The following SPAG16 variants were observed in gnomAD, a reference collection of about 807,000 sequenced individuals.
SPAG16 encodes the protein sperm associated antigen 16.
A neutral mutation model predicts 80.4 loss-of-function variants in SPAG16; 86 were observed. The observed-to-expected ratio is 1.07, with a 90% CI of 0.90 to 1.28. The LOEUF is 1.28. SPAG16 is among the 50% of genes most tolerant of loss of function. The pLI, the probability that SPAG16 is intolerant of heterozygous loss-of-function variation, is 0.00. For missense variants in SPAG16, 870 were observed against 765.3 expected (o/e 1.14, Z -1.61); for synonymous variants, 294 against 265.9 (o/e 1.11, Z -1.03).
intron 10 of SPAG16, among the ~76,000 whole-genome samples, chr2:213,792,574 A>ATTT (rs2070764371): frequency 2.6e-5 from 3 of 114,740 alleles, no homozygotes; most frequent in African/African-American, 9.4e-5. Flanking sequence ...GAAAATGAGT[A>ATTT]TCTTTTTTTT....
chr2:214,057,027 C>G (rs921468242), intron 13 of SPAG16, among the ~76,000 whole-genome samples: 1 of 152,132 alleles, frequency 6.6e-6, no homozygotes, highest in Non-Finnish European at 1.5e-5. Context: ...ATTTTCACCA[C>G]ATTTGCAGTT....
intron 12 of SPAG16, among the ~76,000 whole-genome samples, chr2:213,966,664 T>C (rs1200751232): frequency 6.6e-6 from 1 of 152,200 alleles, no homozygotes; most frequent in African/African-American, 2.4e-5. Flanking sequence ...TACATATATG[T>C]CTATAATAAT....
chr2:213,489,178 T>C (rs770008029), intron 9 of SPAG16, among the ~76,000 whole-genome samples: 3 of 152,130 alleles, frequency 2.0e-5, no homozygotes, highest in Non-Finnish European at 2.9e-5. Context: ...GATATGAGCC[T>C]TCTCTCAGAG....
rs10167688 is a variant in SPAG16 at position 213,489,990 on chromosome 2, C to T, written c.970C>T (p.Pro324Ser). The change falls in exon 10 of 16, where the codon CCA becomes TCA. Residue 324 changes from proline (P) to serine (S), a missense_variant. Coordinates refer to ENST00000331683, the MANE Select transcript of SPAG16 (RefSeq NM_024532.5). ...TTCAGAATTTCCCATAGATATGCAA[C>T]CAAATCCAAACCTGAATGTTTCTAA... ...KDSEFPIDMQ[P>S]NPNLNVSKES... The T allele has an allele frequency of 1.9e-6, 3 of 1,606,534 alleles. No homozygotes were observed. Among genetic ancestry groups the T allele is most frequent in the Non-Finnish European group, 2.5e-6 (3 of 1,177,242 alleles).
chr2:213,917,504 G>C (rs1370455385), intron 11 of SPAG16, among the ~76,000 whole-genome samples: 2 of 152,088 alleles, frequency 1.3e-5, no homozygotes, highest in Non-Finnish European at 2.9e-5. Context: ...TGGGTTGGCT[G>C]TATTCCTAGG....
chr2:214,125,999 TTTCCTTCC>T lies in SPAG16; in HGVS notation c.1593+17793_1593+17800del, dbSNP rs869163622. 6.9e-3 allele frequency among the ~76,000 whole-genome samples: 636 copies of T among 91,656 alleles called. 14 individuals carry two copies. The highest frequency in any genetic ancestry group is 0.024 in the East Asian group (73 of 3,012). 60.1% of individuals were successfully genotyped at this position (91,656 alleles called of 152,430 possible). A position where few individuals can be genotyped will look rare whatever the true frequency, so the allele number is the denominator to read the frequency against. ...GGCCTGACTTTCTTTTCCTTCCTTC[TTTCCTTCC>T]TTCCTTCCTTCCTTCCTTCCTTCCT... On this transcript the variant is annotated intron_variant, in intron 14 of 15. Transcript: ENST00000331683.
chr2:214,278,049 G>T (rs1171210741), intron 15 of SPAG16, among the ~76,000 whole-genome samples: 1 of 152,110 alleles, frequency 6.6e-6, no homozygotes, highest in African/African-American at 2.4e-5. Flanking sequence ...CTGCTGCCTC[G>T]CAGGTCGCAG....
At chr2:214,360,879 G>GA (rs1053911900) in intron 15 of SPAG16, among the ~76,000 whole-genome samples, 9 of 151,714 alleles carry the variant, frequency 5.9e-5, no homozygotes, top group Non-Finnish European at 1.3e-4. Flanking sequence ...TTCTGGGGAA[G>GA]AAAAAAGCGA....
intron 13 of SPAG16, among the ~76,000 whole-genome samples, chr2:214,060,144 T>G (rs2050181315): frequency 6.6e-6 from 1 of 152,128 alleles, no homozygotes; most frequent in African/African-American, 2.4e-5. Context: ...GATTTGTAGA[T>G]TTCAGTTGAT....
chr2:214,291,514 C>T (rs568951291), intron 15 of SPAG16, among the ~76,000 whole-genome samples: 196 of 151,406 alleles, frequency 1.3e-3, no homozygotes, highest in Non-Finnish European at 1.7e-3. Flanking sequence ...ACCGTTTTAG[C>T]CGGGATGGTC....
At chr2:214,008,760 A>T (rs1054625217) in intron 12 of SPAG16, among the ~76,000 whole-genome samples, 1 of 150,602 alleles carries the variant, frequency 6.6e-6, no homozygotes, top group Non-Finnish European at 1.5e-5. Context: ...AAAAAAAAAA[A>T]TACATGCTAG....
At chr2:213,705,252 A>C (rs2065690527) in intron 10 of SPAG16, among the ~76,000 whole-genome samples, 1 of 148,086 alleles carries the variant, frequency 6.8e-6, no homozygotes. Flanking sequence ...TGTCTCAAAA[A>C]TAAGAAAGAA....
intron 11 of SPAG16, among the ~76,000 whole-genome samples, chr2:213,922,831 G>T (rs1365196891): frequency 2.0e-5 from 3 of 152,010 alleles, no homozygotes; most frequent in Non-Finnish European, 2.9e-5. Flanking sequence ...CTGCATGCCC[G>T]CATTTCTTCT....
At chr2:214,009,909 G>C (rs1357909236) in intron 12 of SPAG16, among the ~76,000 whole-genome samples, 2 of 147,344 alleles carry the variant, frequency 1.4e-5, no homozygotes, top group Non-Finnish European at 1.5e-5. Context: ...AAACCAACCA[G>C]ATTTTATAAA....
At chr2:214,212,580 A>T (rs1409325695) in intron 15 of SPAG16, among the ~76,000 whole-genome samples, 1 of 151,966 alleles carries the variant, frequency 6.6e-6, no homozygotes, top group South Asian at 2.1e-4. Flanking sequence ...ACCACTATTT[A>T]TATGCTAAGT....
intron 10 of SPAG16, among the ~76,000 whole-genome samples, chr2:213,787,248 T>C (rs888350699): frequency 6.6e-6 from 1 of 152,082 alleles, no homozygotes; most frequent in Non-Finnish European, 1.5e-5. Context: ...ATTTAAAAAA[T>C]ACAAGACTTC....
intron 12 of SPAG16, among the ~76,000 whole-genome samples, chr2:213,935,705 C>A (rs956767158): frequency 6.6e-6 from 1 of 152,124 alleles, no homozygotes; most frequent in Non-Finnish European, 1.5e-5. Context: ...TAGCATTGAC[C>A]ACATTTACTG....
chr2:213,639,878 T>A (rs1167580747), intron 10 of SPAG16, among the ~76,000 whole-genome samples: 1 of 152,228 alleles, frequency 6.6e-6, no homozygotes, highest in Non-Finnish European at 1.5e-5. Context: ...GAACATCAAT[T>A]ATTCTTAAGT....
At chr2:213,709,006 T>C (rs2065870404) in intron 10 of SPAG16, among the ~76,000 whole-genome samples, 1 of 152,172 alleles carries the variant, frequency 6.6e-6, no homozygotes, top group Non-Finnish European at 1.5e-5. Flanking sequence ...AACATTATGG[T>C]ATTAGTTCCT....
Sources: gnomAD v4.1 joint callset for allele counts (sites outside exome capture counted in the v4.1 genomes callset) on GRCh38, gnomAD v4.1.1 for gene constraint, MANE v1.5 for transcripts, NCBI Gene and HGNC (gene_info 2026-07-23, HGNC 2026-07-21) for gene names.